SUGCT: variants seen among roughly 807,000 people sequenced by gnomAD.
SUGCT encodes succinyl-CoA:glutarate-CoA transferase.
Under a neutral mutation model 55.0 loss-of-function variants are expected in SUGCT, and 41 were observed. That is an observed-to-expected ratio of 0.74 (90% CI 0.58 to 0.97). The LOEUF is 0.97. SUGCT is among the 50% of genes least tolerant of loss of function. SUGCT has a pLI of 0.00. For missense variants in SUGCT, 568 were observed against 547.8 expected, an observed-to-expected ratio of 1.04 and a Z score of -0.37; for synonymous variants, 187 against 200.4, an observed-to-expected ratio of 0.93 and a Z score of 0.56.
the SUGCT span, among the ~76,000 whole-genome samples, chr7:40,939,370 A>C: frequency 1.3e-5 from 2 of 152,188 alleles, no homozygotes; most frequent in Non-Finnish European, 2.9e-5. Flanking sequence ...ATTCAAGATG[A>C]GATTTGGGTG....
chr7:40,260,886 C>T (rs1032081056), intron 7 of SUGCT, among the ~76,000 whole-genome samples: 21 of 152,160 alleles, frequency 1.4e-4, no homozygotes, highest in Admixed American at 5.9e-4. Context: ...CCACCTTGGC[C>T]TCCCAAAGTG....
intron 3 of SUGCT, 40 bp from the exon 4 acceptor site, chr7:40,188,455 A>G (rs1024944924): frequency 8.0e-7 from 1 of 1,251,420 alleles, no homozygotes; most frequent in Non-Finnish European, 1.1e-6. Flanking sequence ...AAAAAAAAAA[A>G]CAAACCCCAA....
intron 12 of SUGCT, among the ~76,000 whole-genome samples, chr7:40,549,679 G>A (rs1243349831): frequency 6.6e-6 from 1 of 152,212 alleles, no homozygotes; most frequent in Non-Finnish European, 1.5e-5. Context: ...GGCCTTGAAT[G>A]ATAAATATGA....
chr7:40,233,448 T>C (rs1201165928), intron 6 of SUGCT, among the ~76,000 whole-genome samples: 1 of 152,116 alleles, frequency 6.6e-6, no homozygotes, highest in East Asian at 1.9e-4. Context: ...CTTGAGCTCC[T>C]GACCTAGTGA....
chr7:40,543,759 T>C (rs1794830239), intron 12 of SUGCT, among the ~76,000 whole-genome samples: 1 of 152,232 alleles, frequency 6.6e-6, no homozygotes, highest in Non-Finnish European at 1.5e-5. Flanking sequence ...AATAGAATGT[T>C]TTAGTTGTGA....
At chr7:40,355,592 C>G (rs913506469) in intron 9 of SUGCT, among the ~76,000 whole-genome samples, 4 of 151,786 alleles carry the variant, frequency 2.6e-5, no homozygotes, top group Non-Finnish European at 5.9e-5. Flanking sequence ...AATATTTATG[C>G]AATAAGAGAG....
intron 7 of SUGCT, among the ~76,000 whole-genome samples, chr7:40,241,354 G>A (rs376476472): frequency 3.7e-4 from 56 of 151,006 alleles, no homozygotes; most frequent in African/African-American, 1.2e-3. Context: ...TGAGGCGGGC[G>A]GATCACTTAA....
chr7:40,360,944 A>G (rs549156703), intron 9 of SUGCT, among the ~76,000 whole-genome samples: 3 of 152,310 alleles, frequency 2.0e-5, no homozygotes, highest in African/African-American at 4.8e-5. Context: ...AATGGTGGCT[A>G]TGGGGATGAA....
the SUGCT span, among the ~76,000 whole-genome samples, chr7:40,883,749 T>C: frequency 1.3e-5 from 2 of 152,212 alleles, no homozygotes; most frequent in African/African-American, 2.4e-5. Context: ...AACGTAAACA[T>C]GCTTAACTTC....
intron 12 of SUGCT, among the ~76,000 whole-genome samples, chr7:40,593,804 A>G (rs972704621): frequency 6.6e-6 from 1 of 152,116 alleles, no homozygotes; most frequent in South Asian, 2.1e-4. Context: ...GCGTCACTGC[A>G]CTCCAGCCTG....
At chr7:40,177,388 C>G (rs1007358147) in intron 1 of SUGCT, among the ~76,000 whole-genome samples, 2 of 149,088 alleles carry the variant, frequency 1.3e-5, no homozygotes, top group Non-Finnish European at 3.0e-5. Context: ...GCCCACTATA[C>G]AAGCAGCGCT....
In SUGCT at chr7:40,343,405, G is replaced by T. The variant is rs138671607; in HGVS notation, c.816+26550G>T. Among the ~76,000 whole-genome samples the T allele has an allele frequency of 2.4e-3, 366 of 152,194 alleles. 1 individual carries two copies. Among genetic ancestry groups the T allele is most frequent in the Middle Eastern group, 0.01 (3 of 294 alleles). On this transcript the variant is annotated intron_variant, in intron 9 of 13. Transcript: ENST00000335693. Reference sequence around the variant, plus strand: ...AATCAGACTTGGAACTTGAACGCAGGTCTTTGTAAGGCTGAGGAAACAGAA... The same window carrying T: ...AATCAGACTTGGAACTTGAACGCAGTTCTTTGTAAGGCTGAGGAAACAGAA...
chr7:40,677,819 G>A (rs1286544489), intron 12 of SUGCT, among the ~76,000 whole-genome samples: 1 of 152,184 alleles, frequency 6.6e-6, no homozygotes, highest in Non-Finnish European at 1.5e-5. Flanking sequence ...AACAAAATAA[G>A]TGTTTCTTAT....
intron 8 of SUGCT, among the ~76,000 whole-genome samples, chr7:40,304,993 C>G (rs1471535092): frequency 2.6e-5 from 4 of 152,222 alleles, no homozygotes; most frequent in Non-Finnish European, 5.9e-5. Flanking sequence ...TTAGCATCAT[C>G]ATGCACTCAA....
chr7:41,021,439 A>AAT, the SUGCT span, among the ~76,000 whole-genome samples: 9 of 152,222 alleles, frequency 5.9e-5, no homozygotes, highest in Non-Finnish European at 8.8e-5. Context: ...GTGAATCTGT[A>AAT]ATAGTTCAGT....
intron 9 of SUGCT, among the ~76,000 whole-genome samples, chr7:40,335,103 T>C (rs1273968483): frequency 6.6e-6 from 1 of 152,218 alleles, no homozygotes; most frequent in Admixed American, 6.5e-5. Flanking sequence ...TTCTGTTCCA[T>C]TGGTCTATAT....
rs746391083 is a variant in SUGCT, at chr7:40,175,608, CATGCCTGA to C, written c.101-5335_101-5328del. 5.2e-4 allele frequency among the ~76,000 whole-genome samples: 79 copies of C among 152,232 alleles called. No homozygotes were observed. In the Middle Eastern group the frequency reaches 0.01, roughly 20 times the overall value. The stretch of plus-strand genomic sequence containing the variant: ...ACTCATGATCTGCAGCACTATAACT[CATGCCTGA>C]ATGAAGCTTATCTAACAATGTATTT... On this transcript the variant is annotated intron_variant, in intron 1 of 13. Transcript: ENST00000335693.
chr7:40,592,931 G>A (rs1466352708), intron 12 of SUGCT, among the ~76,000 whole-genome samples: 1 of 152,140 alleles, frequency 6.6e-6, no homozygotes, highest in Non-Finnish European at 1.5e-5. Context: ...TTGACACTTT[G>A]CATCAAAAGG....
chr7:40,303,349 A>G (rs1163853299), intron 8 of SUGCT, among the ~76,000 whole-genome samples: 2 of 152,174 alleles, frequency 1.3e-5, no homozygotes, highest in South Asian at 2.1e-4. Context: ...AGCTGTTTCT[A>G]TAAAGTAAAT....
Sources: allele counts gnomAD v4.1 joint callset (sites outside exome capture counted in the v4.1 genomes callset), GRCh38; gene constraint gnomAD v4.1.1; transcripts MANE v1.5; gene names NCBI Gene and HGNC (gene_info 2026-07-23, HGNC 2026-07-21).